CSN3: variants seen among roughly 807,000 people sequenced by gnomAD.
CSN3 encodes casein kappa, also known as kappa-casein.
A neutral mutation model predicts 9.9 loss-of-function variants in CSN3; 7 were observed. The ratio of observed to expected loss-of-function variants is 0.71; its 90% CI spans 0.40 to 1.33. The LOEUF is 1.33. Ranked by LOEUF, CSN3 falls within the 40% of genes most tolerant of loss-of-function variation. The pLI, the probability that CSN3 is intolerant of heterozygous loss-of-function variation, is 0.01. For synonymous variants in CSN3, 88 were observed against 82.3 expected, an observed-to-expected ratio of 1.07 and a Z score of -0.37; for missense variants, 253 against 227.9, an observed-to-expected ratio of 1.11 and a Z score of -0.71.
intron 1 of CSN3, among the ~76,000 whole-genome samples, chr4:70,243,418 T>A (rs548486509): frequency 6.6e-6 from 1 of 152,198 alleles, no homozygotes; most frequent in Admixed American, 6.6e-5. Context: ...CTTAGATTGT[T>A]CAAATTGATT....
exon 4 of CSN3, chr4:70,249,016 A>G (rs1730430751): frequency 1.3e-6 from 2 of 1,594,496 alleles, no homozygotes; most frequent in East Asian, 4.5e-5. Flanking sequence ...GAATGATGAA[A>G]GACCATTCTA....
chr4:70,244,943 AAACTTCT>A, intron 2 of CSN3, 70 bp downstream of exon 2: 1 of 813,992 alleles, frequency 1.2e-6, no homozygotes, highest in Non-Finnish European at 1.9e-6. Flanking sequence ...TTAACTATGC[AAACTTCT>A]AAATACAATT....
intron 1 of CSN3, among the ~76,000 whole-genome samples, chr4:70,243,705 A>G (rs1730316334): frequency 6.6e-6 from 1 of 152,114 alleles, no homozygotes; most frequent in Non-Finnish European, 1.5e-5. Context: ...ACTTAAATAT[A>G]AAAAGTTTGG....
At chr4:70,246,334 T>C (rs976310488) in intron 2 of CSN3, among the ~76,000 whole-genome samples, 2 of 152,140 alleles carry the variant, frequency 1.3e-5, no homozygotes, top group African/African-American at 4.8e-5. Flanking sequence ...TTGTGAAAAA[T>C]CATTTTAAGG....
chr4:70,247,396 C>G (rs1426144845), intron 2 of CSN3, among the ~76,000 whole-genome samples: 1 of 152,014 alleles, frequency 6.6e-6, no homozygotes, highest in Admixed American at 6.6e-5. Context: ...CTAAGTAAAC[C>G]TTATGAATCA....
At chr4:70,247,764 T>G in intron 2 of CSN3, 54 bp from the exon 3 acceptor site, 1 of 1,407,842 alleles carries the variant, frequency 7.1e-7, no homozygotes, top group Non-Finnish European at 9.6e-7. Flanking sequence ...TTTAAGTACT[T>G]TTTTTTTCTT....
chr4:70,251,280 T>G (rs1730476847), exon 5 of CSN3: 1 of 152,178 alleles, frequency 6.6e-6, no homozygotes, highest in Non-Finnish European at 1.5e-5. Context: ...GAAACCAAAT[T>G]ACTACTTCAC....
At chr4:70,239,021 T>C (rs1023830578), upstream of CSN3, among the ~76,000 whole-genome samples, 3 of 151,860 alleles carry the variant, frequency 2.0e-5, no homozygotes, top group Non-Finnish European at 4.4e-5. Flanking sequence ...TACAGTTCAG[T>C]GAAGGCAATA....
chr4:70,250,540 A>C (rs1189377115), intron 4 of CSN3, among the ~76,000 whole-genome samples: 4 of 152,174 alleles, frequency 2.6e-5, no homozygotes, highest in Non-Finnish European at 5.9e-5. Context: ...GTAAAATGTC[A>C]TGTATTGGAA....
chr4:70,244,731 A>G (rs1730340889), intron 1 of CSN3, 81 bp from the exon 2 acceptor site: 3 of 696,294 alleles, frequency 4.3e-6, no homozygotes, highest in South Asian at 9.5e-5. Flanking sequence ...TTCTTAATCA[A>G]GGAAACATTG....
At chr4:70,245,009 A>G in intron 2 of CSN3, 136 bp downstream of exon 2, 1 of 398,958 alleles carries the variant, frequency 2.5e-6, no homozygotes, top group Non-Finnish European at 4.4e-6. Context: ...TTTTAAGGTT[A>G]ATTTTTTTAA....
At chr4:70,248,128 T>C (rs1335991891) in intron 3 of CSN3, among the ~76,000 whole-genome samples, 1 of 152,146 alleles carries the variant, frequency 6.6e-6, no homozygotes, top group Admixed American at 6.6e-5. Flanking sequence ...CATTTCATAT[T>C]GGAAAAAAAT....
chr4:70,251,124 T>A (rs1730474179), intron 4 of CSN3, 138 bp from the exon 5 acceptor site: 1 of 152,178 alleles, frequency 6.6e-6, no homozygotes, highest in Non-Finnish European at 1.5e-5. Context: ...ATTTTAAATA[T>A]TTAAGTTTAA....
At chr4:70,242,730 T>A (rs190970964) in intron 1 of CSN3, 65 bp downstream of exon 1, 1 of 152,104 alleles carries the variant, frequency 6.6e-6, no homozygotes, top group Non-Finnish European at 1.5e-5. Context: ...GACATCACCA[T>A]AGTTATTTCA....
chr4:70,243,724 ATAT>A (rs1464585666), intron 1 of CSN3, among the ~76,000 whole-genome samples: 1 of 152,058 alleles, frequency 6.6e-6, no homozygotes, highest in Non-Finnish European at 1.5e-5. Context: ...GGGGTATCAT[ATAT>A]TATTAGTCTA....
At chr4:70,239,989 C>G (rs928066879), upstream of CSN3, among the ~76,000 whole-genome samples, 13 of 151,858 alleles carry the variant, frequency 8.6e-5, no homozygotes, top group African/African-American at 2.7e-4. Context: ...TACTTTGCAA[C>G]TACTGTTACA....
exon 4 of CSN3, chr4:70,249,289 G>T (rs1730439096): frequency 1.2e-6 from 2 of 1,613,882 alleles, no homozygotes; most frequent in Non-Finnish European, 8.5e-7. Context: ...GAAAATTCAG[G>T]ATAAAATAAT....
At chr4:70,250,717 A>C (rs746008654) in intron 4 of CSN3, among the ~76,000 whole-genome samples, 2 of 152,194 alleles carry the variant, frequency 1.3e-5, no homozygotes, top group Non-Finnish European at 2.9e-5. Context: ...GTAAATTATC[A>C]CAGCTAGAAA....
chr4:70,242,623 A>G (rs3775755), exon 1 of CSN3: 17,249 of 152,000 alleles, frequency 0.11, 1,295 homozygotes, highest in East Asian at 0.27. Flanking sequence ...TGACAGGCCA[A>G]CTCAACCTAC....
Sources: allele counts gnomAD v4.1 joint callset (sites outside exome capture counted in the v4.1 genomes callset), GRCh38; gene constraint gnomAD v4.1.1; transcripts MANE v1.5; gene names NCBI Gene and HGNC (gene_info 2026-07-23, HGNC 2026-07-21).